SH3GL3: variants seen among roughly 807,000 people sequenced by gnomAD.
The protein encoded by SH3GL3 is endophilin-A3.
SH3GL3 carries 33 observed loss-of-function variants against 47.7 expected under a neutral mutation model. The ratio of observed to expected loss-of-function variants is 0.69; its 90% confidence interval spans 0.52 to 0.92. The LOEUF is 0.92. Ranked by LOEUF, SH3GL3 falls within the 40% of genes least tolerant of loss-of-function variation. The probability of loss-of-function intolerance (pLI) is 0.00; values close to 1 mark genes in which losing one functional copy is unlikely to be tolerated. For missense variants in SH3GL3, 363 were observed against 417.8 expected, an observed-to-expected ratio of 0.87 and a Z score of 1.14; for synonymous variants, 155 against 148.8, an observed-to-expected ratio of 1.04 and a Z score of -0.30.
At chr15:83,536,405 C>CTTTTCTTTT (rs1555491015) in intron 1 of SH3GL3, among the ~76,000 whole-genome samples, 3 of 113,678 alleles carry the variant, frequency 2.6e-5, no homozygotes, top group Non-Finnish European at 6.2e-5. Context: ...CTTTTCTTTT[C>CTTTTCTTTT]TTTTTTTTTT....
intron 1 of SH3GL3, among the ~76,000 whole-genome samples, chr15:83,540,248 A>G (rs988636261): frequency 2.0e-5 from 3 of 152,190 alleles, no homozygotes; most frequent in Non-Finnish European, 2.9e-5. Flanking sequence ...TAAATGTTCC[A>G]TGTCTACTTG....
the SH3GL3 span, among the ~76,000 whole-genome samples, chr15:83,628,628 A>G: frequency 6.6e-6 from 1 of 152,026 alleles, no homozygotes; most frequent in Admixed American, 6.6e-5. Flanking sequence ...CTGTAATCCC[A>G]GCTACTCAGG....
intron 1 of SH3GL3, among the ~76,000 whole-genome samples, chr15:83,549,414 G>A (rs1164094491): frequency 6.6e-6 from 1 of 152,170 alleles, no homozygotes; most frequent in Non-Finnish European, 1.5e-5. Flanking sequence ...TTGTAACCTT[G>A]CTACAGGTGG....
rs527621912 is a variant in SH3GL3 at position 83,447,989 on chromosome 15, G to A, written c.45+411G>A. ...GTTTGGTTGGGAGAGCCTCGTGGGG[G>A]GCCCATCCTCCACCGGCCACCGGCG... On this transcript the variant is annotated intron_variant, in intron 1 of 8. Coordinates refer to ENST00000427482, the MANE Select transcript of SH3GL3 (RefSeq NM_003027.5). The surrounding 1 kb of genome is among the most constrained non-coding windows in gnomAD (Gnocchi z 5.1). Among the ~76,000 whole-genome samples, 1 of 152,148 alleles carries A rather than the reference G, an allele frequency of 6.6e-6. No homozygotes were observed. Among genetic ancestry groups the A allele is most frequent in the Non-Finnish European group, 1.5e-5 (1 of 68,022 alleles).
intron 1 of SH3GL3, among the ~76,000 whole-genome samples, chr15:83,450,055 A>G (rs932960045): frequency 2.0e-5 from 3 of 152,232 alleles, no homozygotes; most frequent in Non-Finnish European, 4.4e-5. Flanking sequence ...AATAATTTCC[A>G]GGGATCTAGG....
At chr15:83,583,987 C>T (rs753510560) in intron 6 of SH3GL3, among the ~76,000 whole-genome samples, 6 of 152,164 alleles carry the variant, frequency 3.9e-5, no homozygotes, top group Non-Finnish European at 8.8e-5. Context: ...TAAAGCAGCT[C>T]TGTATCAGTT....
At chr15:83,552,819 G>T (rs1363066916) in intron 1 of SH3GL3, among the ~76,000 whole-genome samples, 1 of 152,088 alleles carries the variant, frequency 6.6e-6, no homozygotes, top group Non-Finnish European at 1.5e-5. Flanking sequence ...TGCTGTAATT[G>T]TGGGTTTATC....
intron 1 of SH3GL3, among the ~76,000 whole-genome samples, chr15:83,484,012 T>C (rs1299277794): frequency 6.6e-6 from 1 of 152,236 alleles, no homozygotes; most frequent in African/African-American, 2.4e-5. Context: ...CAAGAGCCTA[T>C]TGTCATCTTT....
At chr15:83,506,943 C>T (rs1167948612) in intron 1 of SH3GL3, among the ~76,000 whole-genome samples, 1 of 150,326 alleles carries the variant, frequency 6.7e-6, no homozygotes, top group African/African-American at 2.5e-5. Context: ...AAATCATTCT[C>T]TTTTGCTAAA....
the SH3GL3 span, among the ~76,000 whole-genome samples, chr15:83,630,786 C>T: frequency 1.4e-4 from 21 of 152,150 alleles, no homozygotes; most frequent in South Asian, 2.1e-4. Flanking sequence ...GAGATTTGGG[C>T]GGGGACATAG....
intron 1 of SH3GL3, among the ~76,000 whole-genome samples, chr15:83,524,314 A>G (rs748769823): frequency 2.0e-5 from 3 of 152,158 alleles, no homozygotes; most frequent in Non-Finnish European, 4.4e-5. Context: ...GCATCTTCTC[A>G]TTTTCAAAGT....
intron 3 of SH3GL3, among the ~76,000 whole-genome samples, chr15:83,567,471 G>GTAAA (rs1303542840): frequency 2.6e-5 from 4 of 152,092 alleles, no homozygotes; most frequent in African/African-American, 7.2e-5. Context: ...GCAACAATGA[G>GTAAA]TAAATACTCA....
At chr15:83,519,464 C>G (rs1459375863) in intron 1 of SH3GL3, among the ~76,000 whole-genome samples, 1 of 152,124 alleles carries the variant, frequency 6.6e-6, no homozygotes, top group Non-Finnish European at 1.5e-5. Context: ...TGGCTCTCAG[C>G]TTGAATGTTA....
In SH3GL3 at chr15:83,588,678, A is replaced by G. The variant is rs1410534845; in HGVS notation, c.745A>G (p.Ser249Gly). ...GTGTTACAGAATATCAGCTGCATCC[A>G]GTGTCCCCAGACGAGAATACAAGCC... ...KLQMRISAAS[S>G]VPRREYKPRP... Residue 249 changes from serine (S) to glycine (G), a missense_variant, in exon 8 of 9, where the codon AGT (serine) becomes GGT (glycine). Ser to Gly is a moderately conservative substitution (Grantham distance 56). Coordinates refer to ENST00000427482, the MANE Select transcript of SH3GL3 (RefSeq NM_003027.5). The G allele has an allele frequency of 6.2e-7, 1 of 1,607,810 alleles. No individual in the cohort carries two copies. Among genetic ancestry groups the G allele is most frequent in the Non-Finnish European group, 8.5e-7 (1 of 1,174,220 alleles).
At chr15:83,468,152 G>C (rs1392794035) in intron 1 of SH3GL3, among the ~76,000 whole-genome samples, 1 of 152,126 alleles carries the variant, frequency 6.6e-6, no homozygotes, top group African/African-American at 2.4e-5. Context: ...TTCAATGTAG[G>C]TGTCCATGTA....
intron 2 of SH3GL3, among the ~76,000 whole-genome samples, chr15:83,563,364 A>G (rs147849833): frequency 3.9e-5 from 6 of 152,088 alleles, no homozygotes; most frequent in African/African-American, 1.4e-4. Flanking sequence ...CTTCACTGCA[A>G]TTTGCTCGTG....
chr15:83,599,562 A>G (rs2060327018), intron 8 of SH3GL3, among the ~76,000 whole-genome samples: 1 of 152,194 alleles, frequency 6.6e-6, no homozygotes, highest in Non-Finnish European at 1.5e-5. Context: ...ATTCTACCAC[A>G]TATATATACC....
At chr15:83,587,208 T>C in intron 7 of SH3GL3, 122 bp downstream of exon 7, 1 of 582,690 alleles carries the variant, frequency 1.7e-6, no homozygotes. Flanking sequence ...TTTTGAATTT[T>C]CTTTCACTGG....
At chr15:83,577,052 A>C (rs902999594) in intron 6 of SH3GL3, among the ~76,000 whole-genome samples, 1 of 150,332 alleles carries the variant, frequency 6.7e-6, no homozygotes, top group African/African-American at 2.5e-5. Flanking sequence ...CTAGGATTAC[A>C]GCCACGCACC....
Sources: gnomAD v4.1 joint callset for allele counts (sites outside exome capture counted in the v4.1 genomes callset) on GRCh38, gnomAD v4.1.1 for gene constraint, Gnocchi (gnomAD v3.1) non-coding constraint, MANE v1.5 for transcripts, NCBI Gene and HGNC (gene_info 2026-07-23, HGNC 2026-07-21) for gene names.